Variants in COL4A6 observed in about 807,000 individuals in gnomAD.
COL4A6 encodes the protein collagen alpha-6(IV) chain.
Under a neutral mutation model 126.7 loss-of-function variants are expected in COL4A6, and 59 were observed. That is an observed-to-expected ratio of 0.47 (90% CI 0.38 to 0.58). The LOEUF is 0.58. COL4A6 is among the 20% of genes least tolerant of loss of function. The pLI is 0.00. For synonymous variants in COL4A6, 547 were observed against 496.6 expected, an observed-to-expected ratio of 1.10 and a Z score of -1.35; for missense variants, 1,285 against 1,337.3, an observed-to-expected ratio of 0.96 and a Z score of 0.61.
At chrX:108,219,176 G>C (rs2035942070) in intron 5 of COL4A6, among the ~76,000 whole-genome samples, 1 of 112,206 alleles carries the variant, frequency 8.9e-6, no homozygotes, top group African/African-American at 3.2e-5. Flanking sequence ...GACAAATTTT[G>C]CAAGAGGCTG....
At chrX:108,291,908 T>C (rs1197071078) in intron 3 of COL4A6, among the ~76,000 whole-genome samples, 1 of 112,145 alleles carries the variant, frequency 8.9e-6, no homozygotes, top group East Asian at 2.8e-4. Context: ...TTAGTCAATG[T>C]GTATTGTATT....
chrX:108,345,040 A>T (rs1322853028), intron 2 of COL4A6, among the ~76,000 whole-genome samples: 3 of 111,872 alleles, frequency 2.7e-5, no homozygotes, highest in African/African-American at 9.7e-5. Flanking sequence ...TTAAGCTAGT[A>T]CACATCATAG....
intron 21 of COL4A6, 34 bp from the exon 22 acceptor site, chrX:108,188,061 G>C: frequency 8.9e-7 from 1 of 1,122,491 alleles, no homozygotes; most frequent in Non-Finnish European, 1.2e-6. Context: ...GGAGTAGTCA[G>C]AAGATGTAGA....
intron 2 of COL4A6, among the ~76,000 whole-genome samples, chrX:108,323,211 G>A (rs952722802): frequency 8.9e-6 from 1 of 112,082 alleles, no homozygotes; most frequent in Non-Finnish European, 1.9e-5. Flanking sequence ...TACTCAGCAA[G>A]TATTTATTGA....
At chrX:108,365,360 G>A (rs770300876) in intron 2 of COL4A6, among the ~76,000 whole-genome samples, 21 of 111,973 alleles carry the variant, frequency 1.9e-4, no homozygotes, top group African/African-American at 5.8e-4. Flanking sequence ...ATGAAAGGAA[G>A]GAAGCAATGA....
At chrX:108,363,076 G>A (rs911479589) in intron 2 of COL4A6, among the ~76,000 whole-genome samples, 17 of 112,360 alleles carry the variant, frequency 1.5e-4, no homozygotes, top group African/African-American at 5.2e-4. Flanking sequence ...GGATGGAACT[G>A]CTAAAACTCA....
intron 2 of COL4A6, among the ~76,000 whole-genome samples, chrX:108,374,706 T>G (rs1376232235): frequency 8.9e-6 from 1 of 112,131 alleles, no homozygotes; most frequent in Non-Finnish European, 1.9e-5. Context: ...TCTACCAATA[T>G]AACTCATAGA....
At chrX:108,273,683 G>A (rs1009294081) in intron 3 of COL4A6, among the ~76,000 whole-genome samples, 2 of 112,011 alleles carry the variant, frequency 1.8e-5, no homozygotes, top group Admixed American at 9.4e-5. Context: ...CCTTTGTAGG[G>A]ACATGGATGA....
intron 3 of COL4A6, among the ~76,000 whole-genome samples, chrX:108,257,381 G>A (rs1000978288): frequency 8.9e-6 from 1 of 111,881 alleles, no homozygotes; most frequent in African/African-American, 3.2e-5. Flanking sequence ...TTTGATCCAT[G>A]CACTTAGTTG....
intron 3 of COL4A6, among the ~76,000 whole-genome samples, chrX:108,302,272 G>A (rs958530145): frequency 8.9e-6 from 1 of 111,783 alleles, no homozygotes; most frequent in African/African-American, 3.3e-5. Context: ...TAAATGTCTT[G>A]TTAATTGTGA....
chrX:108,270,224 T>C (rs2037412133), intron 3 of COL4A6, among the ~76,000 whole-genome samples: 1 of 112,158 alleles, frequency 8.9e-6, no homozygotes, highest in African/African-American at 3.2e-5. Flanking sequence ...CCCCCAATTC[T>C]TTGCCCCCTA....
intron 17 of COL4A6, among the ~76,000 whole-genome samples, chrX:108,193,363 C>T (rs2035110986): frequency 9.0e-6 from 1 of 111,216 alleles, no homozygotes; most frequent in Non-Finnish European, 1.9e-5. Flanking sequence ...GCCAGGAGAA[C>T]CATTTTCATC....
At chrX:108,206,399 G>C (rs1453329530) in intron 9 of COL4A6, 119 bp downstream of exon 9, 2 of 685,173 alleles carry the variant, frequency 2.9e-6, no homozygotes, top group Non-Finnish European at 4.8e-6. Context: ...CAAGAATGGA[G>C]GTTGCCCTTG....
chrX:108,307,768 G>GGTA (rs1258418356), intron 3 of COL4A6, among the ~76,000 whole-genome samples: 2 of 111,625 alleles, frequency 1.8e-5, no homozygotes, highest in Non-Finnish European at 3.8e-5. Context: ...GCACACAAGG[G>GGTA]GTACTGAGAG....
intron 2 of COL4A6, among the ~76,000 whole-genome samples, chrX:108,432,599 G>A (rs770181731): frequency 3.0e-4 from 34 of 111,708 alleles, no homozygotes; most frequent in South Asian, 1.9e-3. Flanking sequence ...ACTTTGGGAG[G>A]CCGAGGCGGG....
intron 3 of COL4A6, among the ~76,000 whole-genome samples, chrX:108,277,834 G>A (rs1018566360): frequency 6.3e-5 from 7 of 111,963 alleles, no homozygotes; most frequent in Non-Finnish European, 1.3e-4. Context: ...CGCGGTTCAC[G>A]AAAATCCGCT....
rs1281497312 is a variant in COL4A6 at position 108,157,272 on chromosome X, A to G, written c.4813-12T>C. The G allele has an allele frequency of 8.3e-7, 1 of 1,205,139 alleles. No homozygotes were observed. The highest frequency in any genetic ancestry group is 2.2e-5 in the Admixed American group (1 of 45,840). ...CCAGCGGCAGTGTGCTGAAACAGAC[A>G]GGAGATTAGTGCATGAGCTGTGCCT... On this transcript the variant is annotated splice_polypyrimidine_tract_variant and intron_variant, in intron 44 of 44. Transcript: ENST00000334504.
chrX:108,178,713 G>C lies in COL4A6; in HGVS notation c.2486C>G (p.Pro829Arg), dbSNP rs750171742. The change falls in exon 27 of 45, where the codon CCA becomes CGA. Residue 829 changes from proline (P) to arginine (R), a missense_variant. Coordinates refer to ENST00000334504, the MANE Select transcript of COL4A6 (RefSeq NM_033641.4). Reference protein sequence around the residue: ...PYGIKGKSGLPGAPGFPGISG... With the variant: ...PYGIKGKSGLRGAPGFPGISG... ...GATGCCTGGGAAGCCTGGTGCTCCT[G>C]GGAGCCCAGATTTGCCCTTGATGCC... is the stretch of plus-strand genomic sequence containing the variant. The C allele has an allele frequency of 4.0e-5, 48 of 1,209,868 alleles. No homozygotes were observed. The highest frequency in any genetic ancestry group is 1.6e-4 in the South Asian group (9 of 56,708).
At chrX:108,203,859 C>T (rs186057427) in intron 12 of COL4A6, among the ~76,000 whole-genome samples, 4 of 111,980 alleles carry the variant, frequency 3.6e-5, no homozygotes, top group South Asian at 7.5e-4. Context: ...ACAGTATATC[C>T]TATTTTCAGG....
Sources: gnomAD v4.1 joint callset for allele counts (sites outside exome capture counted in the v4.1 genomes callset) on GRCh38, gnomAD v4.1.1 for gene constraint, MANE v1.5 for transcripts, NCBI Gene and HGNC (gene_info 2026-07-23, HGNC 2026-07-21) for gene names.